The following ZNF468 variants were observed in gnomAD, a reference collection of about 807,000 sequenced individuals.
ZNF468 encodes the protein zinc finger protein ZNF468.
Under a neutral mutation model 7.2 loss-of-function variants are expected in ZNF468, and 8 were observed. The observed-to-expected ratio is 1.11, with a 90% CI of 0.65 to 2.01. The LOEUF (loss-of-function observed/expected upper bound fraction) is 2.01, where lower values mean the gene tolerates loss of function less well. Ranked by LOEUF, ZNF468 falls within the 30% of genes most tolerant of loss-of-function variation. ZNF468 has a pLI of 0.00. For synonymous variants in ZNF468, 218 were observed against 214.4 expected (o/e 1.02, Z -0.15); for missense variants, 608 against 626.5 (o/e 0.97, Z 0.31).
intron 1 of ZNF468, among the ~76,000 whole-genome samples, chr19:52,854,848 C>T (rs536369337): frequency 6.6e-6 from 1 of 151,846 alleles, no homozygotes; most frequent in African/African-American, 2.4e-5. Flanking sequence ...AACATGGTGA[C>T]ACCCTGTCTC....
Position 52,838,840 on chromosome 19 carries a change from T to G in ZNF468, c.*1885A>C, listed in dbSNP as rs1198413907. 1 of 152,124 alleles carries G rather than the reference T, an allele frequency of 6.6e-6. No individual in the cohort carries two copies. Among genetic ancestry groups the G allele is most frequent in the Non-Finnish European group, 1.5e-5 (1 of 68,024 alleles). 9.4% of individuals were successfully genotyped at this position (152,124 alleles called of 1,614,324 possible). ...TGATCAAAATGATTAAAAACATGTA[T>G]AAATAGATATAAATCCCATACTGAT... is the stretch of plus-strand genomic sequence containing the variant. On this transcript the variant is annotated 3_prime_UTR_variant, in exon 4 of 4. Coordinates refer to ENST00000595646, the MANE Select transcript of ZNF468 (RefSeq NM_001008801.2).
chr19:52,842,593 A>G (rs1434338155), intron 3 of ZNF468, among the ~76,000 whole-genome samples: 3 of 152,060 alleles, frequency 2.0e-5, no homozygotes, highest in Non-Finnish European at 4.4e-5. Context: ...TCTTGTAAGA[A>G]TAACCAAAAT....
Position 52,839,346 on chromosome 19 carries a change from C to A in ZNF468, c.*1379G>T. On this transcript the variant is annotated 3_prime_UTR_variant, in exon 4 of 4. Transcript: ENST00000595646. ...CAAACTCGTGAGCTCCAGTGACCTA[C>A]CTGTCTTTGCCTCTCAAAGTGCTGG... The A allele has an allele frequency of 4.8e-6, 1 of 206,842 alleles. No individual in the cohort carries two copies. The highest frequency in any genetic ancestry group is 1.0e-5 in the Non-Finnish European group (1 of 100,362). The allele number at this position is 206,842 out of a possible 1,614,324, so 12.8% of individuals were successfully genotyped here. A position where few individuals can be genotyped will look rare whatever the true frequency, so the allele number is the denominator to read the frequency against.
At chr19:52,857,358 C>T (rs2063449725) in intron 1 of ZNF468, among the ~76,000 whole-genome samples, 1 of 152,216 alleles carries the variant, frequency 6.6e-6, no homozygotes, top group Admixed American at 6.5e-5. Flanking sequence ...TATACATTGC[C>T]CTATGGCAGA....
chr19:52,844,078 C>A (rs1026118627), intron 3 of ZNF468, among the ~76,000 whole-genome samples: 1 of 152,144 alleles, frequency 6.6e-6, no homozygotes, highest in African/African-American at 2.4e-5. Context: ...CGAGATCATG[C>A]CACTGCACTC....
At chr19:52,854,142 A>G (rs781665168) in intron 2 of ZNF468, 116 bp downstream of exon 2, 5 of 1,597,494 alleles carry the variant, frequency 3.1e-6, no homozygotes, top group South Asian at 2.2e-5. Context: ...GGAAGGCATA[A>G]GTGAGGGTGA....
chr19:52,847,590 T>C (rs2063351208), intron 3 of ZNF468, among the ~76,000 whole-genome samples: 1 of 152,100 alleles, frequency 6.6e-6, no homozygotes, highest in East Asian at 1.9e-4. Context: ...AAGCCGACCA[T>C]TCCCATTCAT....
intron 2 of ZNF468, among the ~76,000 whole-genome samples, chr19:52,850,618 G>A (rs1471145901): frequency 2.6e-5 from 4 of 152,148 alleles, no homozygotes; most frequent in South Asian, 2.1e-4. Context: ...AACTATTATG[G>A]GCCGGGCGCG....
chr19:52,851,938 G>GT (rs2063393563), intron 2 of ZNF468, among the ~76,000 whole-genome samples: 1 of 152,058 alleles, frequency 6.6e-6, no homozygotes, highest in African/African-American at 2.4e-5. Flanking sequence ...GTGTGTGTAT[G>GT]TATGTATGTA....
intron 3 of ZNF468, among the ~76,000 whole-genome samples, chr19:52,842,936 A>G (rs2063317267): frequency 6.6e-6 from 1 of 151,158 alleles, no homozygotes; most frequent in Non-Finnish European, 1.5e-5. Context: ...AGCCTGGCCA[A>G]TGTGGTGAAA....
At chr19:52,850,384 CA>C (rs1351623219) in intron 2 of ZNF468, among the ~76,000 whole-genome samples, 1 of 152,062 alleles carries the variant, frequency 6.6e-6, no homozygotes, top group Non-Finnish European at 1.5e-5. Flanking sequence ...ACTCTTTATA[CA>C]GGGAAAAATC....
intron 1 of ZNF468, among the ~76,000 whole-genome samples, chr19:52,857,062 G>T (rs2063446679): frequency 6.6e-6 from 1 of 151,696 alleles, no homozygotes; most frequent in African/African-American, 2.4e-5. Flanking sequence ...AGGGGACGCG[G>T]TGACTGCGGA....
chr19:52,844,240 C>T (rs934860393), intron 3 of ZNF468, among the ~76,000 whole-genome samples: 4 of 152,146 alleles, frequency 2.6e-5, no homozygotes, highest in African/African-American at 9.7e-5. Context: ...GTGTTGACTA[C>T]TCGTGAATAG....
Position 52,841,424 on chromosome 19 carries a change from T to G in ZNF468, c.870A>C (p.Lys290Asn), listed in dbSNP as rs996856680. The G allele has an allele frequency of 5.0e-6, 8 of 1,613,732 alleles. No individual in the cohort carries two copies. In the African/African-American group the frequency reaches 1.1e-4, roughly 22 times the overall value. Residue 290 changes from lysine (K) to asparagine (N), a missense_variant, in exon 4 of 4, where the codon AAA becomes AAC. Transcript: ENST00000595646. Reference sequence around the variant, plus strand: ...AAGGTTTCTCTCCAGTATGAAGCGCTTTGTGAATGAAGAGGGATGAATTAT... The same window carrying G: ...AAGGTTTCTCTCCAGTATGAAGCGCGTTGTGAATGAAGAGGGATGAATTAT... ...FGHNSSLFIH[K>N]ALHTGEKPYE...
In ZNF468 at chr19:52,839,978, C is replaced by T; in HGVS notation, c.*747G>A. 1 of 1,293,954 alleles carries T rather than the reference C, an allele frequency of 7.7e-7. No individual in the cohort carries two copies. Among genetic ancestry groups the T allele is most frequent in the South Asian group, 1.3e-5 (1 of 74,868 alleles). The allele number at this position is 1,293,954 out of a possible 1,614,324, so 80.2% of individuals were successfully genotyped here. On this transcript the variant is annotated 3_prime_UTR_variant, in exon 4 of 4. Coordinates refer to ENST00000595646, the MANE Select transcript of ZNF468 (RefSeq NM_001008801.2). Reference sequence around the variant, plus strand: ...TCAAGTTTCCCTATACCATGGATTGCTTGATGGTGAATAAGTGGTGACTGC... The same window carrying T: ...TCAAGTTTCCCTATACCATGGATTGTTTGATGGTGAATAAGTGGTGACTGC...
rs763931824 is a variant in ZNF468 at position 52,845,541 on chromosome 19, C to G, written c.143-3390G>C. On this transcript the variant is annotated intron_variant, in intron 3 of 3. Coordinates refer to ENST00000595646, the MANE Select transcript of ZNF468 (RefSeq NM_001008801.2). Reference sequence around the variant, plus strand: ...GGGTATAGTGGTGCAGGCCTGTAGTCGCAGCTACTGGAGAGGCTGAGGAAG... The same window carrying G: ...GGGTATAGTGGTGCAGGCCTGTAGTGGCAGCTACTGGAGAGGCTGAGGAAG... 5.3e-5 allele frequency among the ~76,000 whole-genome samples: 8 copies of G among 151,910 alleles called. 1 individual carries two copies. In the South Asian group the frequency reaches 1.5e-3, roughly 28 times the overall value.
In ZNF468 at chr19:52,840,396, T is replaced by A; in HGVS notation, c.*329A>T. ...CACACTCATTACACTTATAATGAGT[T>A]TCTCTCCAGTGTGAATTCTAGTATG... On this transcript the variant is annotated 3_prime_UTR_variant, in exon 4 of 4. Transcript: ENST00000595646. 4.2e-6 allele frequency: 2 copies of A among 473,968 alleles called. No individual in the cohort carries two copies. Among genetic ancestry groups the A allele is most frequent in the Non-Finnish European group, 8.0e-6 (2 of 248,622 alleles). The allele number at this position is 473,968 out of a possible 1,614,324, so 29.4% of individuals were successfully genotyped here. A position where few individuals can be genotyped will look rare whatever the true frequency, so the allele number is the denominator to read the frequency against.
At chr19:52,854,443 G>C in intron 1 of ZNF468, 98 bp from the exon 2 acceptor site, 1 of 1,254,054 alleles carries the variant, frequency 8.0e-7, no homozygotes, top group Non-Finnish European at 1.1e-6. Context: ...TGGGAAATAC[G>C]GTCCCCTCTG....
At position 52,840,620 on chromosome 19, in the gene ZNF468, C is replaced by G; in HGVS notation, c.*105G>C. 6.3e-7 allele frequency: 1 copy of G among 1,576,896 alleles called. No individual in the cohort carries two copies. The highest frequency in any genetic ancestry group is 8.7e-7 in the Non-Finnish European group (1 of 1,147,280). ...GCAAAGGTTGCTTTTTGATTAAAAA[C>G]CTTGCCACATTCATTATGCTTGTAA... On this transcript the variant is annotated 3_prime_UTR_variant, in exon 4 of 4. Transcript: ENST00000595646.
Sources: allele counts gnomAD v4.1 joint callset (sites outside exome capture counted in the v4.1 genomes callset), GRCh38; gene constraint gnomAD v4.1.1; transcripts MANE v1.5; gene names NCBI Gene and HGNC (gene_info 2026-07-23, HGNC 2026-07-21).